The following TMEFF1 variants were observed in gnomAD, a reference collection of about 807,000 sequenced individuals.
The protein encoded by TMEFF1 is transmembrane protein with EGF like and two follistatin like domains 1.
TMEFF1 carries 20 observed loss-of-function variants against 47.5 expected under a neutral mutation model. The observed-to-expected ratio is 0.42, with a 90% CI of 0.30 to 0.61. The LOEUF (loss-of-function observed/expected upper bound fraction) is 0.61. TMEFF1 is among the 20% of genes least tolerant of loss of function. The pLI is 0.19. For synonymous variants in TMEFF1, 162 were observed against 166.3 expected (o/e 0.97, Z 0.20); for missense variants, 411 against 471.1 (o/e 0.87, Z 1.18).
intron 2 of TMEFF1, among the ~76,000 whole-genome samples, chr9:100,508,107 G>A (rs534031451): frequency 9.9e-5 from 15 of 152,242 alleles, no homozygotes; most frequent in African/African-American, 3.6e-4. Flanking sequence ...AATATTTTAT[G>A]CATTAACTGG....
intron 1 of TMEFF1, among the ~76,000 whole-genome samples, chr9:100,482,215 G>A (rs909944758): frequency 8.7e-6 from 1 of 114,592 alleles, no homozygotes; most frequent in African/African-American, 3.6e-5. Context: ...TTTTTTTTTT[G>A]GAGACAGTAT....
intron 4 of TMEFF1, among the ~76,000 whole-genome samples, chr9:100,515,799 AAAAC>A (rs55806155): frequency 2.0e-5 from 3 of 150,918 alleles, no homozygotes; most frequent in Non-Finnish European, 4.4e-5. Context: ...CTCCGTCTGA[AAAAC>A]AAACAAACAA....
chr9:100,512,768 T>C (rs1837992111), intron 3 of TMEFF1, among the ~76,000 whole-genome samples: 1 of 152,186 alleles, frequency 6.6e-6, no homozygotes, highest in South Asian at 2.1e-4. Context: ...TTAATTTTAT[T>C]AGTAACATGA....
At chr9:100,516,644 G>T (rs1289700798) in intron 4 of TMEFF1, 31 bp from the exon 5 acceptor site, 2 of 1,603,406 alleles carry the variant, frequency 1.2e-6, no homozygotes, top group Non-Finnish European at 1.7e-6. Flanking sequence ...CCCAACTTTT[G>T]GTTGTAAATT....
At chr9:100,521,830 C>T (rs1838166143) in intron 5 of TMEFF1, among the ~76,000 whole-genome samples, 1 of 152,240 alleles carries the variant, frequency 6.6e-6, no homozygotes, top group South Asian at 2.1e-4. Flanking sequence ...CCCTGCTCTT[C>T]TGCCTTTTTT....
intron 5 of TMEFF1, among the ~76,000 whole-genome samples, chr9:100,527,391 C>A (rs920109403): frequency 6.6e-6 from 1 of 152,174 alleles, no homozygotes; most frequent in Non-Finnish European, 1.5e-5. Context: ...GCGCACAGTG[C>A]GTGAGCCGAA....
chr9:100,502,535 AT>A (rs898316144), intron 2 of TMEFF1, among the ~76,000 whole-genome samples: 9 of 151,238 alleles, frequency 6.0e-5, no homozygotes, highest in Non-Finnish European at 1.0e-4. Context: ...GATTAAAAAA[AT>A]TTTTTTTTGT....
intron 4 of TMEFF1, 47 bp from the exon 5 acceptor site, chr9:100,516,628 A>C (rs749048439): frequency 1.3e-6 from 2 of 1,598,014 alleles, no homozygotes; most frequent in Non-Finnish European, 1.7e-6. Flanking sequence ...CATATCTGGA[A>C]AGGATCCCAA....
At position 100,547,855 on chromosome 9, in the gene TMEFF1, A is replaced by G. The variant is rs774605707; in HGVS notation, c.672A>G (p.Gln224=). The stretch of plus-strand genomic sequence containing the variant: ...TTCGAGAAGCATCTTGTATAAAGCA[A>G]GAACAAATTGATATAAGGCATCTTG... ...CFVREASCIK[Q]EQIDIRHLGH... is the part of the protein sequence containing the mutation. The change falls in exon 6 of 10, where the codon CAA becomes CAG. Residue 224 remains glutamine, a synonymous_variant. Coordinates refer to ENST00000374879, the MANE Select transcript of TMEFF1 (RefSeq NM_003692.5). The G allele has an allele frequency of 8.1e-6, 13 of 1,607,440 alleles. No individual in the cohort carries two copies. The highest frequency in any genetic ancestry group is 1.7e-6 in the Non-Finnish European group (2 of 1,177,862).
rs370042365 is a variant in TMEFF1 at position 100,576,508 on chromosome 9, T to C, written c.1059-8T>C. ...TATTTTTCTCTCTTTCTTTTTTTAATGCAACAGAAAATGCCCCAAAAACAA... is the reference window on the plus strand; with the variant it reads ...TATTTTTCTCTCTTTCTTTTTTTAACGCAACAGAAAATGCCCCAAAAACAA... On this transcript the variant is annotated splice_region_variant and splice_polypyrimidine_tract_variant and intron_variant, in intron 9 of 9. Coordinates refer to ENST00000374879, the MANE Select transcript of TMEFF1 (RefSeq NM_003692.5). The C allele has an allele frequency of 1.4e-4, 217 of 1,604,748 alleles. 2 individuals carry two copies. In the South Asian group the frequency reaches 1.8e-3, roughly 13 times the overall value.
Position 100,522,209 on chromosome 9 carries a change from C to T in TMEFF1, c.560+5438C>T, listed in dbSNP as rs554669423. ...TCTATCCTTCTGTTTTTATTTCCTC[C>T]TAATCAGAGATGGCAGTAATTTTTG... On this transcript the variant is annotated intron_variant, in intron 5 of 9. Transcript: ENST00000374879. Among the ~76,000 whole-genome samples the T allele has an allele frequency of 1.6e-4, 25 of 152,250 alleles. No homozygotes were observed. The South Asian group carries it at 2.1e-3, about 13-fold the overall frequency.
chr9:100,542,213 A>G (rs1483689407), intron 5 of TMEFF1, among the ~76,000 whole-genome samples: 1 of 151,976 alleles, frequency 6.6e-6, no homozygotes, highest in Non-Finnish European at 1.5e-5. Context: ...GCTTATCACA[A>G]TCTAAATTTC....
chr9:100,505,092 C>T (rs1161868982), intron 2 of TMEFF1, among the ~76,000 whole-genome samples: 18 of 152,066 alleles, frequency 1.2e-4, no homozygotes, highest in Admixed American at 1.2e-3. Flanking sequence ...ATGTTTGTGT[C>T]TGCTTATGAT....
At chr9:100,491,545 G>T (rs1837553022) in intron 1 of TMEFF1, among the ~76,000 whole-genome samples, 1 of 152,178 alleles carries the variant, frequency 6.6e-6, no homozygotes, top group African/African-American at 2.4e-5. Flanking sequence ...ACTGGAAATA[G>T]CACTAGCAAA....
chr9:100,497,099 C>G (rs996152250), intron 1 of TMEFF1, among the ~76,000 whole-genome samples: 1 of 152,050 alleles, frequency 6.6e-6, no homozygotes, highest in Non-Finnish European at 1.5e-5. Context: ...GGGAAAATCC[C>G]TATACCTAGG....
chr9:100,511,122 G>A (rs540337952), intron 3 of TMEFF1, among the ~76,000 whole-genome samples: 1 of 152,234 alleles, frequency 6.6e-6, no homozygotes, highest in African/African-American at 2.4e-5. Context: ...AAATTATTAT[G>A]TTTTTAGTCT....
At chr9:100,555,919 T>C (rs1052133358) in intron 7 of TMEFF1, among the ~76,000 whole-genome samples, 2 of 152,326 alleles carry the variant, frequency 1.3e-5, no homozygotes, top group Admixed American at 6.5e-5. Flanking sequence ...ATGAAGAAAC[T>C]GAAGCTGCAG....
chr9:100,554,330 A>G (rs1336458518), intron 7 of TMEFF1, among the ~76,000 whole-genome samples: 1 of 152,180 alleles, frequency 6.6e-6, no homozygotes, highest in Non-Finnish European at 1.5e-5. Context: ...AGAGAATGTC[A>G]TGGAGCTTGG....
intron 8 of TMEFF1, among the ~76,000 whole-genome samples, chr9:100,563,520 A>G (rs1286233078): frequency 6.6e-6 from 1 of 152,230 alleles, no homozygotes; most frequent in Non-Finnish European, 1.5e-5. Context: ...GCCAATTATT[A>G]GCTGTGTGTT....
Sources: allele counts gnomAD v4.1 joint callset (sites outside exome capture counted in the v4.1 genomes callset), GRCh38; gene constraint gnomAD v4.1.1; transcripts MANE v1.5; gene names NCBI Gene and HGNC (gene_info 2026-07-23, HGNC 2026-07-21).